The following SULF1 variants were observed in gnomAD, a reference collection of about 807,000 sequenced individuals.
SULF1 encodes sulfatase 1.
Under a neutral mutation model 110.5 loss-of-function variants are expected in SULF1, and 46 were observed. The ratio of observed to expected loss-of-function variants is 0.42; its 90% CI spans 0.33 to 0.53. SULF1 has a LOEUF of 0.53. Among genes scored for constraint, SULF1 ranks in the 20% least tolerant of loss-of-function variants. The pLI is 0.12. For synonymous variants in SULF1, 371 were observed against 387.1 expected (o/e 0.96, Z 0.49); for missense variants, 941 against 1,094.2 (o/e 0.86, Z 1.98).
intron 3 of SULF1, among the ~76,000 whole-genome samples, chr8:69,562,566 T>C (rs1050909918): frequency 2.6e-5 from 4 of 152,224 alleles, no homozygotes; most frequent in African/African-American, 9.6e-5. Flanking sequence ...ATTTTTTTAA[T>C]GAGCCCTTTG....
intron 13 of SULF1, among the ~76,000 whole-genome samples, chr8:69,617,448 T>A (rs1809270880): frequency 8.0e-6 from 1 of 125,762 alleles, no homozygotes; most frequent in African/African-American, 3.0e-5. Context: ...TTTTTTTTTT[T>A]TGGAGAGACA....
At chr8:69,590,772 T>C (rs1309195902) in intron 8 of SULF1, among the ~76,000 whole-genome samples, 2 of 152,210 alleles carry the variant, frequency 1.3e-5, no homozygotes, top group Non-Finnish European at 2.9e-5. Flanking sequence ...TGGGTGGATA[T>C]TTAAGCTTCT....
At chr8:69,550,075 A>G (rs1327650738) in intron 3 of SULF1, among the ~76,000 whole-genome samples, 1 of 151,666 alleles carries the variant, frequency 6.6e-6, no homozygotes, top group Non-Finnish European at 1.5e-5. Context: ...TTGCCCCCCA[A>G]AATTTCTCCC....
At chr8:69,622,596 A>T (rs1809701855) in intron 14 of SULF1, among the ~76,000 whole-genome samples, 1 of 152,114 alleles carries the variant, frequency 6.6e-6, no homozygotes, top group Non-Finnish European at 1.5e-5. Context: ...AAAAAAAAAA[A>T]AATTAATAAG....
intron 3 of SULF1, among the ~76,000 whole-genome samples, chr8:69,560,285 A>G (rs953799708): frequency 4.6e-5 from 7 of 152,118 alleles, no homozygotes; most frequent in Non-Finnish European, 8.8e-5. Context: ...GGTATTGTGG[A>G]ACAAACATAT....
At chr8:69,593,935 G>A (rs1048909276) in intron 8 of SULF1, among the ~76,000 whole-genome samples, 3 of 152,182 alleles carry the variant, frequency 2.0e-5, no homozygotes, top group African/African-American at 7.2e-5. Context: ...CAAAAGCCGT[G>A]ACAGGGAAGG....
At chr8:69,589,685 A>T (rs1261196581) in intron 8 of SULF1, among the ~76,000 whole-genome samples, 2 of 151,522 alleles carry the variant, frequency 1.3e-5, no homozygotes, top group East Asian at 3.9e-4. Context: ...TTTTTTAAAG[A>T]GGCAGGAGTC....
At chr8:69,528,077 C>T (rs1812820531) in intron 3 of SULF1, among the ~76,000 whole-genome samples, 1 of 152,188 alleles carries the variant, frequency 6.6e-6, no homozygotes. Flanking sequence ...ACTGCACAGT[C>T]TCTATCTTCC....
intron 13 of SULF1, among the ~76,000 whole-genome samples, chr8:69,613,352 G>A (rs1468632389): frequency 4.4e-5 from 6 of 136,776 alleles, no homozygotes; most frequent in Non-Finnish European, 7.9e-5. Flanking sequence ...CAATTTTTGG[G>A]TTTTTTTTTT....
chr8:69,547,417 G>T (rs1394029213), intron 3 of SULF1, among the ~76,000 whole-genome samples: 2 of 152,202 alleles, frequency 1.3e-5, no homozygotes, highest in South Asian at 2.1e-4. Flanking sequence ...TATTATCAAT[G>T]TAAGGTCAGG....
intron 3 of SULF1, among the ~76,000 whole-genome samples, chr8:69,505,315 A>G (rs1811110429): frequency 6.6e-6 from 1 of 152,198 alleles, no homozygotes. Flanking sequence ...TCAGCTTAAA[A>G]TACACCTGCC....
intron 5 of SULF1, among the ~76,000 whole-genome samples, chr8:69,573,371 T>C (rs560392091): frequency 1.3e-5 from 2 of 152,334 alleles, no homozygotes; most frequent in African/African-American, 4.8e-5. Flanking sequence ...TTTTAGCCCC[T>C]GTTTTTATAT....
rs564522680 is a variant in SULF1, at chr8:69,531,790, C to G, written c.-134+29822C>G. 1.3e-4 allele frequency among the ~76,000 whole-genome samples: 20 copies of G among 152,298 alleles called. No homozygotes were observed. In the South Asian group the frequency reaches 4.1e-3, roughly 32 times the overall value. On this transcript the variant is annotated intron_variant, in intron 3 of 22. Transcript: ENST00000402687. ...ATCGATGCTGCTTCTTTGTCTTTCT[C>G]TGGAATTTCCAAGACGACCTTTTCC...
chr8:69,484,070 T>C (rs1019917015), intron 1 of SULF1, among the ~76,000 whole-genome samples: 9 of 152,198 alleles, frequency 5.9e-5, no homozygotes, highest in African/African-American at 2.2e-4. Context: ...GGGGCCAAGG[T>C]TGGATATGGA....
intron 13 of SULF1, 31 bp from the exon 14 acceptor site, chr8:69,621,004 C>A (rs139006563): frequency 1.3e-6 from 2 of 1,559,794 alleles, no homozygotes; most frequent in South Asian, 1.2e-5. Context: ...GGAGCAGAAT[C>A]GGTAAACTGC....
At chr8:69,540,401 A>G (rs1049676206) in intron 3 of SULF1, among the ~76,000 whole-genome samples, 3 of 152,270 alleles carry the variant, frequency 2.0e-5, no homozygotes, top group African/African-American at 7.2e-5. Context: ...TATAATTACA[A>G]TGCTGAAAGA....
At chr8:69,586,244 C>G (rs1806452041) in intron 6 of SULF1, 113 bp from the exon 7 acceptor site, 1 of 1,130,000 alleles carries the variant, frequency 8.8e-7, no homozygotes, top group Admixed American at 3.1e-5. Flanking sequence ...TCACTATTAC[C>G]TAGGGCAACT....
intron 3 of SULF1, among the ~76,000 whole-genome samples, chr8:69,515,703 T>C (rs1254735819): frequency 1.3e-5 from 2 of 152,250 alleles, no homozygotes; most frequent in Non-Finnish European, 2.9e-5. Context: ...TAGTTTTGGG[T>C]TATTTCTTCG....
intron 3 of SULF1, among the ~76,000 whole-genome samples, chr8:69,529,913 G>A (rs1812967992): frequency 6.6e-6 from 1 of 152,196 alleles, no homozygotes; most frequent in Non-Finnish European, 1.5e-5. Flanking sequence ...TATTCAGTGT[G>A]GGAGGGAGCT....
Sources: gnomAD v4.1 joint callset for allele counts (sites outside exome capture counted in the v4.1 genomes callset) on GRCh38, gnomAD v4.1.1 for gene constraint, MANE v1.5 for transcripts, NCBI Gene and HGNC (gene_info 2026-07-23, HGNC 2026-07-21) for gene names.